PON1: variants seen among roughly 807,000 people sequenced by gnomAD.
PON1 encodes paraoxonase 1, also known as serum paraoxonase/arylesterase 1.
Under a neutral mutation model 39.2 loss-of-function variants are expected in PON1, and 37 were observed. The ratio of observed to expected loss-of-function variants is 0.94; its 90% CI spans 0.73 to 1.24. The LOEUF is 1.24. PON1 is among the 50% of genes most tolerant of loss of function. The pLI is 0.00. For missense variants in PON1, 397 were observed against 413.5 expected (o/e 0.96, Z 0.35); for synonymous variants, 148 against 152.2 (o/e 0.97, Z 0.21).
Position 95,311,230 on chromosome 7 carries a change from C to A in PON1, c.497+221G>T, listed in dbSNP as rs971982964. On this transcript the variant is annotated intron_variant, in intron 5 of 8. Coordinates refer to ENST00000222381, the MANE Select transcript of PON1 (RefSeq NM_000446.7). ...GAATGGAGATCCTGAGGCCAGGAGC[C>A]AGCATCCAATCAGCTCGAGAAACAA... is the stretch of plus-strand genomic sequence containing the variant. Among the ~76,000 whole-genome samples the A allele has an allele frequency of 3.3e-5, 5 of 152,154 alleles. 1 individual carries two copies. In the South Asian group the frequency reaches 1.0e-3, roughly 32 times the overall value.
At chr7:95,306,441 C>G in intron 6 of PON1, 75 bp from the exon 7 acceptor site, 2 of 1,050,642 alleles carry the variant, frequency 1.9e-6, no homozygotes, top group Non-Finnish European at 1.5e-6. Context: ...GTTGTAATAC[C>G]TATTCATAGG....
chr7:95,318,135 TC>T (rs1807812597), intron 2 of PON1, among the ~76,000 whole-genome samples, 187 bp downstream of exon 2: 1 of 150,518 alleles, frequency 6.6e-6, no homozygotes, highest in South Asian at 2.1e-4. Context: ...CAACCAAAAC[TC>T]CCAACACCTT....
chr7:95,303,186 G>A (rs1807469711), intron 7 of PON1, among the ~76,000 whole-genome samples: 1 of 152,192 alleles, frequency 6.6e-6, no homozygotes, highest in Non-Finnish European at 1.5e-5. Flanking sequence ...GCAGACAGCT[G>A]CAGAAAACCA....
chr7:95,309,141 G>C (rs1037095937), intron 5 of PON1, among the ~76,000 whole-genome samples: 2 of 152,108 alleles, frequency 1.3e-5, no homozygotes, highest in African/African-American at 4.8e-5. Flanking sequence ...TCTGTAAAGA[G>C]AGGTTAAATG....
At chr7:95,302,448 C>T (rs1261146951) in intron 7 of PON1, 115 bp from the exon 8 acceptor site, 1 of 861,982 alleles carries the variant, frequency 1.2e-6, no homozygotes, top group Non-Finnish European at 1.9e-6. Context: ...GCTGCTGCTT[C>T]CAAGGATACA....
chr7:95,309,734 A>C (rs1807616024), intron 5 of PON1, among the ~76,000 whole-genome samples: 1 of 152,208 alleles, frequency 6.6e-6, no homozygotes. Flanking sequence ...GAAATAATGA[A>C]TGCAAAGGCC....
intron 7 of PON1, among the ~76,000 whole-genome samples, chr7:95,305,929 A>G (rs1000787038): frequency 3.9e-5 from 6 of 152,288 alleles, no homozygotes; most frequent in South Asian, 2.1e-4. Context: ...CATAGAGGAA[A>G]AAAGAGAAAG....
intron 2 of PON1, among the ~76,000 whole-genome samples, chr7:95,317,583 A>G (rs1807797579): frequency 7.2e-6 from 1 of 139,696 alleles, no homozygotes; most frequent in Admixed American, 7.2e-5. Context: ...CAAAAAAAAA[A>G]AAAAAAAAAA....
At chr7:95,324,342 G>T in intron 1 of PON1, 60 bp downstream of exon 1, 2 of 1,532,776 alleles carry the variant, frequency 1.3e-6, no homozygotes, top group Non-Finnish European at 1.8e-6. Flanking sequence ...CTGGGGGCTC[G>T]TGGAGCTGGC....
rs528272135 is a variant in PON1, at chr7:95,316,500, A to G, written c.201+234T>C. Among the ~76,000 whole-genome samples, 6 of 152,368 alleles carry G rather than the reference A, an allele frequency of 3.9e-5. No individual in the cohort carries two copies. In the South Asian group the frequency reaches 1.2e-3, roughly 32 times the overall value. ...CTGAACTCACAAAAAAATTGCTGCA[A>G]TAGAAGCTAACGTAATATGGTTCAA... On this transcript the variant is annotated intron_variant, in intron 3 of 8. Transcript: ENST00000222381.
chr7:95,308,073 T>G lies in PON1; in HGVS notation c.636A>C (p.Glu212Asp). 1 of 1,614,146 alleles carries G rather than the reference T, an allele frequency of 6.2e-7. No individual in the cohort carries two copies. Among genetic ancestry groups the G allele is most frequent in the Non-Finnish European group, 8.5e-7 (1 of 1,180,024 alleles). ...WSYVVYYSPS[E>D]VRVVAEGFDF... is the part of the protein sequence containing the mutation. ...CAAATCCTTCTGCCACCACTCGAAC[T>G]TCACTTGGACTATAGTAGACAACAT... The change falls in exon 6 of 9, where the codon GAA (glutamate) becomes GAC (aspartate). Residue 212 changes from glutamate to aspartate, a missense_variant. Transcript: ENST00000222381.
At chr7:95,315,259 G>C in intron 4 of PON1, 63 bp downstream of exon 4, 2 of 1,353,796 alleles carry the variant, frequency 1.5e-6, no homozygotes, top group Non-Finnish European at 2.1e-6. Flanking sequence ...TCATTTATTG[G>C]CATGTTTTTC....
rs753285630 is a variant in PON1 at position 95,322,346 on chromosome 7, G to GTATA, written c.74+2055_74+2056insTATA. Among the ~76,000 whole-genome samples the GTATA allele has an allele frequency of 8.2e-3, 1,118 of 136,154 alleles. 2 individuals carry two copies. Among genetic ancestry groups the GTATA allele is most frequent in the Non-Finnish European group, 0.012 (764 of 65,044 alleles). 89.3% of individuals were successfully genotyped at this position (136,154 alleles called of 152,430 possible). On this transcript the variant is annotated intron_variant, in intron 1 of 8. Transcript: ENST00000222381. ...AATATATGTATGTGTGTGTGTGTGT[G>GTATA]TGTGTATATATATATATATATGCTG...
intron 7 of PON1, among the ~76,000 whole-genome samples, chr7:95,302,582 A>G (rs1015338760): frequency 6.6e-6 from 1 of 152,190 alleles, no homozygotes; most frequent in Non-Finnish European, 1.5e-5. Flanking sequence ...AAGACTGTTA[A>G]AAGTTAGACA....
chr7:95,299,883 T>G (rs908248073), intron 8 of PON1, among the ~76,000 whole-genome samples: 1 of 152,200 alleles, frequency 6.6e-6, no homozygotes, highest in Admixed American at 6.5e-5. Flanking sequence ...AGCCAAACTG[T>G]TGCCATGCAG....
At chr7:95,320,389 A>AG in intron 1 of PON1, among the ~76,000 whole-genome samples, 3 of 152,216 alleles carry the variant, frequency 2.0e-5, no homozygotes, top group Non-Finnish European at 4.4e-5. Flanking sequence ...AGGGTGGGCA[A>AG]GGGGGCATTA....
Position 95,302,334 on chromosome 7 carries a change from C to A in PON1, c.781-1G>T. 1 of 1,605,290 alleles carries A rather than the reference C, an allele frequency of 6.2e-7. No homozygotes were observed. Among genetic ancestry groups the A allele is most frequent in the Non-Finnish European group, 8.5e-7 (1 of 1,172,790 alleles). On this transcript the variant is annotated splice_acceptor_variant, in intron 7 of 8. Transcript: ENST00000222381. LOFTEE classifies it high-confidence loss of function. The stretch of plus-strand genomic sequence containing the variant: ...CCACGAGGGTATTAAAGTCAAGGGA[C>A]TTAAAAGATTAAAAACAAGAAAAGA...
intron 4 of PON1, among the ~76,000 whole-genome samples, chr7:95,314,212 C>G (rs1370603259): frequency 6.6e-6 from 1 of 151,958 alleles, no homozygotes; most frequent in Non-Finnish European, 1.5e-5. Context: ...TACGAAAAAT[C>G]AGCCAGGCAT....
At chr7:95,316,899 T>A in intron 2 of PON1, 110 bp from the exon 3 acceptor site, 1 of 807,242 alleles carries the variant, frequency 1.2e-6, no homozygotes, top group Non-Finnish European at 2.2e-6. Flanking sequence ...CACTCTTCTT[T>A]AATAGGTTCA....
Sources: gnomAD v4.1 joint callset for allele counts (sites outside exome capture counted in the v4.1 genomes callset) on GRCh38, gnomAD v4.1.1 for gene constraint, MANE v1.5 for transcripts, NCBI Gene and HGNC (gene_info 2026-07-23, HGNC 2026-07-21) for gene names.